PCP2: variants seen among roughly 807,000 people sequenced by gnomAD.
PCP2 encodes Purkinje cell protein 2 homolog.
In PCP2, 21 loss-of-function variants were observed where a neutral mutation model predicts 18.3. The ratio of observed to expected loss-of-function variants is 1.14; its 90% CI spans 0.81 to 1.65. PCP2 has a LOEUF of 1.65. Among genes scored for constraint, PCP2 ranks in the 40% most tolerant of loss-of-function variants. The probability of loss-of-function intolerance (pLI) is 0.00; values close to 1 mark genes in which losing one functional copy is unlikely to be tolerated. For synonymous variants in PCP2, 85 were observed against 77.6 expected (o/e 1.10, Z -0.50); for missense variants, 202 against 201.8 (o/e 1.00, Z 0.00).
upstream of PCP2, among the ~76,000 whole-genome samples, chr19:7,635,043 C>A (rs77152187): frequency 9.4e-3 from 1,429 of 152,344 alleles, 24 homozygotes; most frequent in African/African-American, 0.031. Flanking sequence ...AATATCTATA[C>A]TAACCCCATT....
upstream of PCP2, chr19:7,636,871 C>CGCAA (rs367844730): frequency 4.7e-3 from 1,782 of 376,390 alleles, 27 homozygotes; most frequent in African/African-American, 0.031. Context: ...CTGCTTCGCA[C>CGCAA]GCAAGCCAGG....
At chr19:7,635,098 A>G (rs114527293), upstream of PCP2, among the ~76,000 whole-genome samples, 1,428 of 152,234 alleles carry the variant, frequency 9.4e-3, 24 homozygotes, top group African/African-American at 0.031. Flanking sequence ...AGTACTTCAT[A>G]TCTTTTGGGG....
chr19:7,632,504 G>T lies in PCP2; in HGVS notation c.180C>A (p.Thr60=). The change falls in exon 3 of 4, where the codon ACC becomes ACA. Residue 60 remains threonine, a synonymous_variant. Coordinates refer to ENST00000311069, the MANE Select transcript of PCP2 (RefSeq NM_174895.3). The surrounding 1 kb of genome is among the most constrained non-coding windows in gnomAD (Gnocchi z 5.2). ...TGTCCATGAGGCTGTCCATCTCGGG[G>T]GTGGGGTCGCTCTCTGCGTGGACGT... ...GQTTKSQSDP[T]PEMDSLMDML... 1 of 1,613,386 alleles carries T rather than the reference G, an allele frequency of 6.2e-7. No individual in the cohort carries two copies. The highest frequency in any genetic ancestry group is 1.3e-5 in the African/African-American group (1 of 75,028).
Position 7,631,680 on chromosome 19 carries a change from C to T in PCP2, c.*9G>A, listed in dbSNP as rs780419820. On this transcript the variant is annotated 3_prime_UTR_variant, in exon 4 of 4. Transcript: ENST00000311069. ...GGGGGCCGAGTGAGACCCAGGATGC[C>T]TCAGGCCCTCAGGGGGCTTGTGTCG... 1.4e-6 allele frequency: 2 copies of T among 1,459,334 alleles called. No homozygotes were observed. Among genetic ancestry groups the T allele is most frequent in the East Asian group, 2.6e-5 (1 of 38,968 alleles). 90.4% of individuals were successfully genotyped at this position (1,459,334 alleles called of 1,614,324 possible).
chr19:7,633,321 T>C, intron 1 of PCP2, 86 bp downstream of exon 1: 1 of 1,332,974 alleles, frequency 7.5e-7, no homozygotes, highest in South Asian at 1.3e-5. Context: ...ACTCACTCGT[T>C]AATTAGGTGC....
At chr19:7,633,092 G>C in intron 1 of PCP2, 13 of 1,154,336 alleles carry the variant, frequency 1.1e-5, no homozygotes, top group Non-Finnish European at 1.3e-5. Context: ...GCTCCGATGC[G>C]TGTCCCGCCG....
In PCP2 at chr19:7,633,497, C is replaced by A. The variant is rs530372264; in HGVS notation, c.-40G>T. Reference sequence around the variant, plus strand: ...GTCACTTTTCTGCTGGCCTCTGCCCCGGCCCAGTGCCAGAGAGGGCCTTTT... The same window carrying A: ...GTCACTTTTCTGCTGGCCTCTGCCCAGGCCCAGTGCCAGAGAGGGCCTTTT... On this transcript the variant is annotated 5_prime_UTR_variant, in exon 1 of 4. Transcript: ENST00000311069. The A allele has an allele frequency of 6.4e-7, 1 of 1,552,980 alleles. No homozygotes were observed. Among genetic ancestry groups the A allele is most frequent in the Admixed American group, 1.9e-5 (1 of 51,362 alleles).
chr19:7,635,513 A>G (rs1006957596), upstream of PCP2, among the ~76,000 whole-genome samples: 1 of 152,114 alleles, frequency 6.6e-6, no homozygotes, highest in Admixed American at 6.6e-5. Flanking sequence ...TGGGCAACAT[A>G]GGGAGATCCT....
Position 7,632,606 on chromosome 19 carries a change from T to C in PCP2, c.167-89A>G. On this transcript the variant is annotated intron_variant, in intron 2 of 3. Transcript: ENST00000311069. The surrounding 1 kb of genome is among the most constrained non-coding windows in gnomAD (Gnocchi z 5.2). ...TCACCCCCACACAGATGCTTCAGGG[T>C]GCACAACCACCTCCCACATCCCGTG... 1.9e-6 allele frequency: 3 copies of C among 1,590,412 alleles called. No homozygotes were observed. The highest frequency in any genetic ancestry group is 2.6e-6 in the Non-Finnish European group (3 of 1,170,112).
chr19:7,635,688 C>A (rs1002723883), upstream of PCP2, among the ~76,000 whole-genome samples: 1 of 152,018 alleles, frequency 6.6e-6, no homozygotes, highest in African/African-American at 2.4e-5. Context: ...AGAGCGAGAC[C>A]CGTCTCTTTA....
upstream of PCP2, among the ~76,000 whole-genome samples, chr19:7,635,546 A>G (rs1052134331): frequency 1.2e-4 from 18 of 149,358 alleles, no homozygotes; most frequent in African/African-American, 4.6e-4. Flanking sequence ...CAACAACAAA[A>G]TCAACCGGGC....
In PCP2 at chr19:7,633,445, C is replaced by T. The variant is rs932190266; in HGVS notation, c.13G>A (p.Glu5Lys). The T allele has an allele frequency of 4.4e-6, 7 of 1,577,412 alleles. No homozygotes were observed. Among genetic ancestry groups the T allele is most frequent in the Non-Finnish European group, 6.0e-6 (7 of 1,160,162 alleles). MMDQEEKTEEGSGPC... is the reference protein window; with the variant it reads MMDQKEKTEEGSGPC... ...CCTGAGCCTTCCTCCGTCTTCTCCTCCTGATCCATCATGTCCCTGGACTCC... is the reference window on the plus strand; with the variant it reads ...CCTGAGCCTTCCTCCGTCTTCTCCTTCTGATCCATCATGTCCCTGGACTCC... The change falls in exon 1 of 4, where the codon GAG becomes AAG. Residue 5 changes from glutamate (E) to lysine (K), a missense_variant. Glu to Lys is a moderately conservative substitution (Grantham distance 56). Transcript: ENST00000311069.
At chr19:7,636,020 C>CT (rs1426796149), upstream of PCP2, among the ~76,000 whole-genome samples, 19 of 152,212 alleles carry the variant, frequency 1.2e-4, no homozygotes, top group Non-Finnish European at 2.4e-4. Flanking sequence ...AAGGCTGCTT[C>CT]TTCAGAGAGG....
chr19:7,633,743 G>A, upstream of PCP2: 1 of 484,304 alleles, frequency 2.1e-6, no homozygotes, highest in Non-Finnish European at 3.7e-6. Context: ...TCTCAGGTGT[G>A]ATGTCACAAA....
rs1239477848 is a variant in PCP2 at position 7,632,452 on chromosome 19, T to C, written c.232A>G (p.Met78Val). The C allele has an allele frequency of 6.2e-7, 1 of 1,613,730 alleles. No individual in the cohort carries two copies. Among genetic ancestry groups the C allele is most frequent in the Non-Finnish European group, 8.5e-7 (1 of 1,179,926 alleles). ...CTGACTGTCACACGTTGGTCATCCATGCGGCGGCCCTGGGTACTGGCCAGC... is the reference window on the plus strand; with the variant it reads ...CTGACTGTCACACGTTGGTCATCCACGCGGCGGCCCTGGGTACTGGCCAGC... Reference protein sequence around the residue: ...DMLASTQGRRMDDQRVTVSSL... With the variant: ...DMLASTQGRRVDDQRVTVSSL... Residue 78 changes from methionine to valine, a missense_variant, in exon 3 of 4, where the codon ATG (methionine) becomes GTG (valine). Physicochemically the swap from Met to Val is conservative, Grantham distance 21. Coordinates refer to ENST00000311069, the MANE Select transcript of PCP2 (RefSeq NM_174895.3). The surrounding 1 kb of genome is among the most constrained non-coding windows in gnomAD (Gnocchi z 5.2).
upstream of PCP2, chr19:7,633,856 T>G: frequency 1.0e-5 from 2 of 193,764 alleles, no homozygotes; most frequent in Non-Finnish European, 2.1e-5. Context: ...GCCACCCAGG[T>G]TCCCCCACTG....
In PCP2 at chr19:7,631,928, C is replaced by T. The variant is rs372431993; in HGVS notation, c.292-120G>A. 2.2e-5 allele frequency: 23 copies of T among 1,033,964 alleles called. No homozygotes were observed. The East Asian group carries it at 2.3e-4, about 10-fold the overall frequency. The allele number at this position is 1,033,964 out of a possible 1,614,324, so 64.0% of individuals were successfully genotyped here. On this transcript the variant is annotated intron_variant, in intron 3 of 3. Transcript: ENST00000311069. ...GTCCCACCTCATTGTGAGCACTGGTCTATGTTTACCCTCAATATCTGCCAT... is the reference window on the plus strand; with the variant it reads ...GTCCCACCTCATTGTGAGCACTGGTTTATGTTTACCCTCAATATCTGCCAT...
chr19:7,635,825 CTG>C (rs55796710), upstream of PCP2, among the ~76,000 whole-genome samples: 1,368 of 152,328 alleles, frequency 9.0e-3, 5 homozygotes, highest in Middle Eastern at 0.031. Flanking sequence ...TTGCCTGTGA[CTG>C]TCCTATTTTT....
chr19:7,632,836 G>A lies in PCP2; in HGVS notation c.52-6C>T. On this transcript the variant is annotated splice_polypyrimidine_tract_variant and splice_region_variant and intron_variant, in intron 1 of 3. Transcript: ENST00000311069. This position sits in a 1 kb window ranked among gnomAD's most constrained non-coding sequence, Gnocchi z 5.2. ...TCCTGGTCTGGGGAGCCCGCCTGGG[G>A]ACAGACTCGCTCAGTCTGGTTGGCC... 1.3e-6 allele frequency: 2 copies of A among 1,546,462 alleles called. No individual in the cohort carries two copies. Among genetic ancestry groups the A allele is most frequent in the Non-Finnish European group, 1.7e-6 (2 of 1,147,976 alleles).
Sources: allele counts gnomAD v4.1 joint callset (sites outside exome capture counted in the v4.1 genomes callset), GRCh38; gene constraint gnomAD v4.1.1; non-coding constraint Gnocchi (gnomAD v3.1); transcripts MANE v1.5; gene names NCBI Gene and HGNC (gene_info 2026-07-23, HGNC 2026-07-21).